The following RBFOX1 variants were observed in gnomAD, a reference collection of about 807,000 sequenced individuals.
RBFOX1 encodes RNA binding protein fox-1 homolog 1.
In RBFOX1, 8 loss-of-function variants were observed where a neutral mutation model predicts 57.7. The observed-to-expected ratio is 0.14, with a 90% CI of 0.08 to 0.25. RBFOX1 has a LOEUF of 0.25. RBFOX1 is among the 10% of genes least tolerant of loss of function. RBFOX1 has a pLI of 1.00. For synonymous variants in RBFOX1, 326 were observed against 222.4 expected (o/e 1.47, Z -4.15); for missense variants, 611 against 548.5 (o/e 1.11, Z -1.14).
At chr16:5,382,508 G>T (rs2066155886) in intron 1 of RBFOX1, among the ~76,000 whole-genome samples, 1 of 151,766 alleles carries the variant, frequency 6.6e-6, no homozygotes, top group African/African-American at 2.4e-5. Context: ...TTTGCAATCT[G>T]TGGCCATTTC....
At chr16:7,466,950 A>G (rs939634844) in intron 4 of RBFOX1, among the ~76,000 whole-genome samples, 1 of 152,166 alleles carries the variant, frequency 6.6e-6, no homozygotes, top group Non-Finnish European at 1.5e-5. Context: ...ATCAACACAT[A>G]TTTACAGAGC....
chr16:7,409,160 G>A (rs1332842987), intron 4 of RBFOX1, among the ~76,000 whole-genome samples: 1 of 152,202 alleles, frequency 6.6e-6, no homozygotes, highest in Non-Finnish European at 1.5e-5. Context: ...TCCGGGAGCT[G>A]GAGGACCTCT....
At chr16:6,826,331 G>GGGGA (rs1215386688) in intron 3 of RBFOX1, among the ~76,000 whole-genome samples, 3 of 152,100 alleles carry the variant, frequency 2.0e-5, no homozygotes, top group Non-Finnish European at 4.4e-5. Flanking sequence ...TAGGCAACAT[G>GGGGA]GGGAGACCCC....
At chr16:5,437,637 C>A (rs1439263612) in intron 1 of RBFOX1, among the ~76,000 whole-genome samples, 1 of 151,980 alleles carries the variant, frequency 6.6e-6, no homozygotes, top group South Asian at 2.1e-4. Context: ...AGATATTAAC[C>A]AAAATTAAGA....
chr16:5,629,413 T>C (rs1596510437), intron 3 of RBFOX1, among the ~76,000 whole-genome samples: 1 of 152,332 alleles, frequency 6.6e-6, no homozygotes, highest in East Asian at 1.9e-4. Context: ...GTATAAATCC[T>C]TTGTGTCTTC....
At chr16:6,521,597 A>G (rs1459441166) in intron 2 of RBFOX1, among the ~76,000 whole-genome samples, 1 of 151,452 alleles carries the variant, frequency 6.6e-6, no homozygotes, top group African/African-American at 2.4e-5. Flanking sequence ...TTTCCTTAAA[A>G]CACCAGCAAT....
intron 13 of RBFOX1, among the ~76,000 whole-genome samples, chr16:7,667,481 C>T (rs1265988412): frequency 6.6e-6 from 1 of 152,082 alleles, no homozygotes; most frequent in African/African-American, 2.4e-5. Flanking sequence ...GGAAATATCC[C>T]CAAGCTTCGT....
chr16:6,516,074 G>A (rs563088684), intron 2 of RBFOX1, among the ~76,000 whole-genome samples: 38 of 152,244 alleles, frequency 2.5e-4, no homozygotes, highest in East Asian at 2.1e-3. Flanking sequence ...CAATCCCGGA[G>A]CTGGAGTGCA....
chr16:5,881,563 C>G (rs1285970371), intron 4 of RBFOX1, among the ~76,000 whole-genome samples: 1 of 152,002 alleles, frequency 6.6e-6, no homozygotes, highest in Non-Finnish European at 1.5e-5. Flanking sequence ...GCTTATAATC[C>G]CAGCTACTTG....
At chr16:5,892,042 T>C (rs990141775) in intron 4 of RBFOX1, among the ~76,000 whole-genome samples, 3 of 152,188 alleles carry the variant, frequency 2.0e-5, no homozygotes, top group Non-Finnish European at 2.9e-5. Flanking sequence ...TTCACAAATA[T>C]TATTTGCATT....
intron 3 of RBFOX1, among the ~76,000 whole-genome samples, chr16:6,996,243 C>T (rs987053464): frequency 6.6e-6 from 1 of 152,154 alleles, no homozygotes; most frequent in Non-Finnish European, 1.5e-5. Flanking sequence ...TTAGCCTTTG[C>T]TTTTAAATTC....
intron 5 of RBFOX1, chr16:7,519,681 C>G (rs2077105281): frequency 1.0e-6 from 1 of 985,264 alleles, no homozygotes; most frequent in African/African-American, 1.7e-5. Flanking sequence ...CTTGGGAACC[C>G]CAATCCTGTC....
intron 3 of RBFOX1, among the ~76,000 whole-genome samples, chr16:6,659,502 TTG>T (rs1227135785): frequency 4.6e-5 from 7 of 152,066 alleles, no homozygotes; most frequent in Admixed American, 6.6e-5. Flanking sequence ...CTTAAAACAG[TTG>T]TGGTGTGGAA....
chr16:6,034,659 G>T (rs771896987), intron 1 of RBFOX1, among the ~76,000 whole-genome samples: 1 of 152,144 alleles, frequency 6.6e-6, no homozygotes, highest in Admixed American at 6.5e-5. Context: ...GAATTTTGGC[G>T]GGGACACAAA....
At chr16:6,868,409 C>G (rs17141578) in intron 3 of RBFOX1, among the ~76,000 whole-genome samples, 1 of 151,998 alleles carries the variant, frequency 6.6e-6, no homozygotes, top group Non-Finnish European at 1.5e-5. Flanking sequence ...GGTTAGTGTT[C>G]AAATTGGTAA....
intron 3 of RBFOX1, among the ~76,000 whole-genome samples, chr16:6,930,521 T>TGCCTCA (rs1223412564): frequency 6.6e-6 from 1 of 152,046 alleles, no homozygotes; most frequent in Admixed American, 6.6e-5. Flanking sequence ...GTGATTCTCC[T>TGCCTCA]GCCTCAGCCT....
intron 3 of RBFOX1, among the ~76,000 whole-genome samples, chr16:5,713,907 C>T (rs1295710399): frequency 6.6e-6 from 1 of 152,218 alleles, no homozygotes; most frequent in Non-Finnish European, 1.5e-5. Flanking sequence ...ATCTACGTTG[C>T]AATCTTCCAG....
intron 4 of RBFOX1, among the ~76,000 whole-genome samples, chr16:5,915,701 G>T (rs969234696): frequency 6.6e-6 from 1 of 152,070 alleles, no homozygotes; most frequent in African/African-American, 2.4e-5. Context: ...GCATGGTGGC[G>T]CTTGCCTGTA....
intron 3 of RBFOX1, among the ~76,000 whole-genome samples, chr16:5,731,567 G>C (rs541490868): frequency 6.6e-6 from 1 of 152,246 alleles, no homozygotes; most frequent in East Asian, 1.9e-4. Context: ...GGGCTCTCTT[G>C]CTTCTGAGAT....
Sources: gnomAD v4.1 joint callset for allele counts (sites outside exome capture counted in the v4.1 genomes callset) on GRCh38, gnomAD v4.1.1 for gene constraint, MANE v1.5 for transcripts, NCBI Gene and HGNC (gene_info 2026-07-23, HGNC 2026-07-21) for gene names.